Variants in DYNC1H1 observed in about 807,000 individuals in gnomAD.
DYNC1H1 encodes dynein cytoplasmic 1 heavy chain 1, also known as cytoplasmic dynein 1 heavy chain 1.
Under a neutral mutation model 527.1 loss-of-function variants are expected in DYNC1H1, and 51 were observed. The ratio of observed to expected loss-of-function variants is 0.10; its 90% confidence interval spans 0.08 to 0.12. DYNC1H1 has a LOEUF of 0.12. Among genes scored for constraint, DYNC1H1 ranks in the 10% least tolerant of loss-of-function variants. The pLI is 1.00. For missense variants in DYNC1H1, 2,771 were observed against 5,971.8 expected (o/e 0.46, Z 17.66); for synonymous variants, 2,189 against 2,278.8 (o/e 0.96, Z 1.12).
At position 102,048,596 on chromosome 14, in the gene DYNC1H1, T is replaced by C. The variant is rs1309550962; in HGVS notation, c.13299T>C (p.Asp4433=). The C allele has an allele frequency of 6.2e-7, 1 of 1,614,190 alleles. No homozygotes were observed. The highest frequency in any genetic ancestry group is 8.5e-7 in the Non-Finnish European group (1 of 1,180,034). The change falls in exon 74 of 78, where the codon GAT becomes GAC. Residue 4433 remains aspartate, a synonymous_variant. Transcript: ENST00000360184. The part of the protein sequence containing the change: ...LLQDVRQDLA[D]VVQVCEGKKK... ...AGGACGTTCGCCAGGACCTTGCAGA[T>C]GTCGTCCAGGTGTGCGAAGGAAAGA...
chr14:102,047,163 TC>T (rs2048730704), intron 72 of DYNC1H1, among the ~76,000 whole-genome samples: 1 of 152,128 alleles, frequency 6.6e-6, no homozygotes, highest in East Asian at 1.9e-4. Context: ...ACAGTCATGT[TC>T]TCGACCTGGT....
Position 102,040,088 on chromosome 14 carries a change from G to GC in DYNC1H1, c.11691-145dup, listed in dbSNP as rs1363632159. On this transcript the variant is annotated intron_variant, in intron 62 of 77. Transcript: ENST00000360184. The stretch of plus-strand genomic sequence containing the variant: ...TCAAACTCCTGACCTCAAGTGATCC[G>GC]CCCACCTCGGCCTCCCAGAGTGCTG... The GC allele has an allele frequency of 2.5e-5, 28 of 1,101,276 alleles. No homozygotes were observed. In the African/African-American group the frequency reaches 4.1e-4, roughly 16 times the overall value. 68.2% of individuals were successfully genotyped at this position (1,101,276 alleles called of 1,614,324 possible). A position where few individuals can be genotyped will look rare whatever the true frequency, so the allele number is the denominator to read the frequency against.
intron 52 of DYNC1H1, chr14:102,032,690 A>G (rs1291415289): frequency 3.2e-6 from 2 of 624,620 alleles, no homozygotes; most frequent in African/African-American, 1.8e-5. Flanking sequence ...TGTCTCTACA[A>G]AAAAATACAA....
chr14:101,972,002 C>G lies in DYNC1H1; in HGVS notation c.257-3710C>G, dbSNP rs147541420. 1.1e-3 allele frequency among the ~76,000 whole-genome samples: 166 copies of G among 152,198 alleles called. 3 individuals carry two copies. In the South Asian group the frequency reaches 0.034, roughly 31 times the overall value. On this transcript the variant is annotated intron_variant, in intron 1 of 77. Coordinates refer to ENST00000360184, the MANE Select transcript of DYNC1H1 (RefSeq NM_001376.5). ...TCTTTGAATGCATGGACATATAGTA[C>G]AGTATTGGTCTGTTACATTTTAACA... is the stretch of plus-strand genomic sequence containing the variant.
At chr14:102,045,524 T>A (rs1248536740) in intron 72 of DYNC1H1, among the ~76,000 whole-genome samples, 1 of 151,838 alleles carries the variant, frequency 6.6e-6, no homozygotes, top group African/African-American at 2.4e-5. Context: ...GGCAGGAGAA[T>A]CTCTTGAACC....
At position 101,985,546 on chromosome 14, in the gene DYNC1H1, G is replaced by A. The variant is rs1475030790; in HGVS notation, c.1462-141G>A. ...TCACCATGTTGGCCAGGCTGGTCTC[G>A]AACTCCTGACCTCATGATCCGCCTG... On this transcript the variant is annotated intron_variant, in intron 7 of 77. Coordinates refer to ENST00000360184, the MANE Select transcript of DYNC1H1 (RefSeq NM_001376.5). This position sits in a 1 kb window ranked among gnomAD's most constrained non-coding sequence, Gnocchi z 5.9. 17 of 805,956 alleles carry A rather than the reference G, an allele frequency of 2.1e-5. No individual in the cohort carries two copies. Among genetic ancestry groups the A allele is most frequent in the Non-Finnish European group, 3.0e-5 (15 of 495,536 alleles). The allele number at this position is 805,956 out of a possible 1,614,324, so 49.9% of individuals were successfully genotyped here. A position where few individuals can be genotyped will look rare whatever the true frequency, so the allele number is the denominator to read the frequency against.
In DYNC1H1 at chr14:102,027,836, A is replaced by G. The variant is rs751390841; in HGVS notation, c.9263+3A>G. On this transcript the variant is annotated splice_donor_region_variant and intron_variant, in intron 47 of 77. Transcript: ENST00000360184. The surrounding 1 kb of genome is among the most constrained non-coding windows in gnomAD (Gnocchi z 7.7). ...ACATCACCAGCACTTTTCAACAGGTACGTGGGCCTTTACTTGGCTCTGGGT... is the reference window on the plus strand; with the variant it reads ...ACATCACCAGCACTTTTCAACAGGTGCGTGGGCCTTTACTTGGCTCTGGGT... 4 of 1,614,068 alleles carry G rather than the reference A, an allele frequency of 2.5e-6. No individual in the cohort carries two copies. The highest frequency in any genetic ancestry group is 1.1e-5 in the South Asian group (1 of 91,088).
rs2048638632 is a variant in DYNC1H1 at position 102,040,689 on chromosome 14, G to C, written c.11941+16G>C. On this transcript the variant is annotated intron_variant, in intron 64 of 77. Coordinates refer to ENST00000360184, the MANE Select transcript of DYNC1H1 (RefSeq NM_001376.5). ...ACACCTGCAAGTAAGCCCCACTGTG[G>C]TTTTCTTTCTGGACCTGAATGTAAA... is the stretch of plus-strand genomic sequence containing the variant. The C allele has an allele frequency of 6.2e-7, 1 of 1,614,050 alleles. No homozygotes were observed. The highest frequency in any genetic ancestry group is 1.3e-5 in the African/African-American group (1 of 74,920).
At chr14:101,984,957 A>AAAC (rs1193185504) in intron 7 of DYNC1H1, among the ~76,000 whole-genome samples, 1 of 146,600 alleles carries the variant, frequency 6.8e-6, no homozygotes, top group Admixed American at 6.8e-5. Context: ...AAAAAAAAAA[A>AAAC]GGAAAAGAAA....
intron 41 of DYNC1H1, among the ~76,000 whole-genome samples, chr14:102,019,603 C>A (rs982988606): frequency 2.6e-5 from 4 of 152,178 alleles, no homozygotes; most frequent in African/African-American, 9.7e-5. Flanking sequence ...ATTGTTCCAA[C>A]ATTGTTTACT....
At chr14:102,047,735 T>A (rs1425576973) in intron 72 of DYNC1H1, 82 bp from the exon 73 acceptor site, 1 of 1,576,506 alleles carries the variant, frequency 6.3e-7, no homozygotes, top group Non-Finnish European at 8.6e-7. Flanking sequence ...ATGTGGCCTT[T>A]ACGTTCAAGT....
chr14:102,027,908 C>T lies in DYNC1H1; in HGVS notation c.9264-29C>T, dbSNP rs17512607. The T allele has an allele frequency of 1.2e-6, 2 of 1,614,228 alleles. No individual in the cohort carries two copies. Among genetic ancestry groups the T allele is most frequent in the Non-Finnish European group, 1.7e-6 (2 of 1,180,042 alleles). On this transcript the variant is annotated intron_variant, in intron 47 of 77. Transcript: ENST00000360184. The surrounding 1 kb of genome is among the most constrained non-coding windows in gnomAD (Gnocchi z 7.7). The stretch of plus-strand genomic sequence containing the variant: ...AAGGGACAAAGCCTGCCCCTCATAG[C>T]TGTCCTGAAACATGGGCCTCTTTCT...
rs1193790158 is a variant in DYNC1H1, at chr14:102,049,067, G to A, written c.13373-373G>A. ...GGGCATGGGGGGCTCATCCAAAGTT[G>A]TGGGGAGCCCCCAGCATCCTCCTGT... On this transcript the variant is annotated intron_variant, in intron 74 of 77. Transcript: ENST00000360184. The surrounding 1 kb of genome is among the most constrained non-coding windows in gnomAD (Gnocchi z 5.5). The A allele has an allele frequency of 2.3e-6, 1 of 426,840 alleles. No homozygotes were observed. Among genetic ancestry groups the A allele is most frequent in the East Asian group, 5.2e-5 (1 of 19,166 alleles). The allele number at this position is 426,840 out of a possible 1,614,324, so 26.4% of individuals were successfully genotyped here. A position where few individuals can be genotyped will look rare whatever the true frequency, so the allele number is the denominator to read the frequency against.
rs2152593706 is a variant in DYNC1H1, at chr14:102,036,651, T to C, written c.10908+9T>C. On this transcript the variant is annotated intron_variant, in intron 57 of 77. Transcript: ENST00000360184. The surrounding 1 kb of genome is among the most constrained non-coding windows in gnomAD (Gnocchi z 5.6). ...ACCCCCTTCTGGTCCAGGTTGGTGT[T>C]GGCCTTTGAATTCTTGAAACACTGC... The C allele has an allele frequency of 1.2e-6, 2 of 1,614,046 alleles. No individual in the cohort carries two copies. Among genetic ancestry groups the C allele is most frequent in the South Asian group, 1.1e-5 (1 of 91,074 alleles).
Position 102,029,454 on chromosome 14 carries a change from C to T in DYNC1H1, c.9469-85C>T. 6.3e-7 allele frequency: 1 copy of T among 1,581,134 alleles called. No homozygotes were observed. The highest frequency in any genetic ancestry group is 8.6e-7 in the Non-Finnish European group (1 of 1,157,022). Reference sequence around the variant, plus strand: ...GCCAGGCTCCTTCTATCATGTCACACCCATCTGCCAAGGCCAAAATTGTTT... The same window carrying T: ...GCCAGGCTCCTTCTATCATGTCACATCCATCTGCCAAGGCCAAAATTGTTT... On this transcript the variant is annotated intron_variant, in intron 48 of 77. Transcript: ENST00000360184. This position sits in a 1 kb window ranked among gnomAD's most constrained non-coding sequence, Gnocchi z 5.3.
At chr14:102,023,987 G>A (rs747114938) in intron 43 of DYNC1H1, among the ~76,000 whole-genome samples, 23 of 152,178 alleles carry the variant, frequency 1.5e-4, no homozygotes, top group Non-Finnish European at 1.5e-4. Context: ...GATGTGCTAC[G>A]GGTTTGCAGT....
At chr14:102,026,730 C>T in intron 44 of DYNC1H1, 23 bp downstream of exon 44, 2 of 1,611,672 alleles carry the variant, frequency 1.2e-6, no homozygotes, top group Non-Finnish European at 1.7e-6. Context: ...GTTGTTACAG[C>T]CCCACCTCTC....
At position 102,016,687 on chromosome 14, in the gene DYNC1H1, A is replaced by G. The variant is rs1278440772; in HGVS notation, c.7615-79A>G. On this transcript the variant is annotated intron_variant, in intron 37 of 77. Transcript: ENST00000360184. The surrounding 1 kb of genome is among the most constrained non-coding windows in gnomAD (Gnocchi z 7.3). ...ATTACTTCCTTGTTCTGAAAGTTCA[A>G]GTTTGTGTTCAGGTAAACAAACCTC... 6.4e-7 allele frequency: 1 copy of G among 1,557,678 alleles called. No individual in the cohort carries two copies. The highest frequency in any genetic ancestry group is 8.7e-7 in the Non-Finnish European group (1 of 1,144,382).
Position 102,047,647 on chromosome 14 carries a change from A to G in DYNC1H1, c.13007-170A>G, listed in dbSNP as rs1003946326. 628 of 404,570 alleles carry G rather than the reference A, an allele frequency of 1.6e-3. 6 individuals are homozygous for G. Among genetic ancestry groups the G allele is most frequent in the Middle Eastern group, 6.4e-3 (8 of 1,242 alleles). The allele number at this position is 404,570 out of a possible 1,614,324, so 25.1% of individuals were successfully genotyped here. A position where few individuals can be genotyped will look rare whatever the true frequency, so the allele number is the denominator to read the frequency against. Reference sequence around the variant, plus strand: ...TGTGTGTGTGTGTGTGTGTGTATATATATATATATATATATATGTACACAC... The same window carrying G: ...TGTGTGTGTGTGTGTGTGTGTATATGTATATATATATATATATGTACACAC... On this transcript the variant is annotated intron_variant, in intron 72 of 77. Coordinates refer to ENST00000360184, the MANE Select transcript of DYNC1H1 (RefSeq NM_001376.5).
Sources: gnomAD v4.1 joint callset for allele counts (sites outside exome capture counted in the v4.1 genomes callset) on GRCh38, gnomAD v4.1.1 for gene constraint, Gnocchi (gnomAD v3.1) non-coding constraint, MANE v1.5 for transcripts, NCBI Gene and HGNC (gene_info 2026-07-23, HGNC 2026-07-21) for gene names.